The following MBNL2 variants were observed in gnomAD, a reference collection of about 807,000 sequenced individuals.
MBNL2 encodes muscleblind like splicing regulator 2.
A neutral mutation model predicts 41.9 loss-of-function variants in MBNL2; 17 were observed. The ratio of observed to expected loss-of-function variants is 0.41; its 90% CI spans 0.28 to 0.61. The LOEUF is 0.61. Among genes scored for constraint, MBNL2 ranks in the 20% least tolerant of loss-of-function variants. MBNL2 has a pLI of 0.35. For missense variants in MBNL2, 336 were observed against 505.6 expected (o/e 0.66, Z 3.22); for synonymous variants, 195 against 182.9 (o/e 1.07, Z -0.53).
At chr13:97,249,548 G>T (rs983138195) in intron 1 of MBNL2, among the ~76,000 whole-genome samples, 3 of 152,162 alleles carry the variant, frequency 2.0e-5, no homozygotes, top group Non-Finnish European at 4.4e-5. Context: ...ATGAAATGAA[G>T]ATATCATTAT....
upstream of MBNL2, among the ~76,000 whole-genome samples, chr13:97,216,450 T>C (rs2040386769): frequency 6.6e-6 from 1 of 152,176 alleles, no homozygotes; most frequent in Admixed American, 6.5e-5. Context: ...AGAGGCGGGA[T>C]AGGCTTGAAA....
rs1406870007 is a variant in MBNL2, at chr13:97,346,391, G to A, written c.541-413G>A. On this transcript the variant is annotated intron_variant, in intron 4 of 8. Transcript: ENST00000679496. This position sits in a 1 kb window ranked among gnomAD's most constrained non-coding sequence, Gnocchi z 4.2. ...AGGTGGATAGATGATTGGATAGATT[G>A]ATTGATGGTAGATGATAGATGAAGG... Among the ~76,000 whole-genome samples the A allele has an allele frequency of 6.7e-6, 1 of 149,556 alleles. No homozygotes were observed. The highest frequency in any genetic ancestry group is 1.5e-5 in the Non-Finnish European group (1 of 67,982).
chr13:97,301,039 T>C (rs949955917), intron 2 of MBNL2, among the ~76,000 whole-genome samples: 1 of 152,254 alleles, frequency 6.6e-6, no homozygotes, highest in African/African-American at 2.4e-5. Flanking sequence ...GGGCAGTTGA[T>C]GTGCCTGAGT....
At chr13:97,361,919 G>T (rs374348625) in intron 7 of MBNL2, among the ~76,000 whole-genome samples, 5 of 151,816 alleles carry the variant, frequency 3.3e-5, no homozygotes, top group African/African-American at 1.2e-4. Flanking sequence ...ACAAGCGTCT[G>T]CCATCACACC....
chr13:97,374,105 C>T (rs890773418), intron 8 of MBNL2, among the ~76,000 whole-genome samples: 35 of 112,250 alleles, frequency 3.1e-4, no homozygotes, highest in Non-Finnish European at 4.5e-4. Context: ...GATGGAGCCT[C>T]GCCCTGTCAC....
intron 8 of MBNL2, among the ~76,000 whole-genome samples, chr13:97,374,035 T>TA (rs1395130018): frequency 1.4e-5 from 2 of 139,142 alleles, no homozygotes; most frequent in Non-Finnish European, 3.1e-5. Flanking sequence ...GTCCTTTGCA[T>TA]AACACCTCAA....
chr13:97,165,956 T>C, the MBNL2 span, among the ~76,000 whole-genome samples: 1 of 152,226 alleles, frequency 6.6e-6, no homozygotes, highest in Non-Finnish European at 1.5e-5. Flanking sequence ...TTCTCCATCA[T>C]TGAAATTCTG....
chr13:97,244,062 A>C (rs758419279), intron 1 of MBNL2, among the ~76,000 whole-genome samples: 26 of 152,218 alleles, frequency 1.7e-4, no homozygotes, highest in Non-Finnish European at 3.4e-4. Flanking sequence ...AAAAATGACC[A>C]AATAAAAAAC....
In MBNL2 at chr13:97,224,644, A is replaced by G. The variant is rs1368727962; in HGVS notation, c.-605+2113A>G. The stretch of plus-strand genomic sequence containing the variant: ...ACCTTTTACCAAAAAAAAAAAAAAA[A>G]AAAAAAAAGTTGTTTGTCTCTTGGC... On this transcript the variant is annotated intron_variant, in intron 1 of 8. Coordinates refer to ENST00000679496, the MANE Select transcript of MBNL2 (RefSeq NM_001382683.1). Among the ~76,000 whole-genome samples the G allele has an allele frequency of 3.3e-5, 5 of 152,004 alleles. No homozygotes were observed. In the East Asian group the frequency reaches 5.8e-4, roughly 18 times the overall value.
chr13:97,192,321 G>A, the MBNL2 span, among the ~76,000 whole-genome samples: 4 of 152,298 alleles, frequency 2.6e-5, no homozygotes, highest in African/African-American at 9.6e-5. Flanking sequence ...TATTAGAATA[G>A]ATATGACCCT....
chr13:97,341,772 A>AT (rs2061460306), intron 3 of MBNL2, among the ~76,000 whole-genome samples: 1 of 152,312 alleles, frequency 6.6e-6, no homozygotes, highest in South Asian at 2.1e-4. Context: ...CATAAGAGAT[A>AT]TTTTTCTGTT....
At chr13:97,361,343 T>C (rs1226095967) in intron 7 of MBNL2, among the ~76,000 whole-genome samples, 1 of 152,164 alleles carries the variant, frequency 6.6e-6, no homozygotes, top group African/African-American at 2.4e-5. Context: ...AAGAGTGTAC[T>C]TGAAGAATAG....
intron 1 of MBNL2, among the ~76,000 whole-genome samples, chr13:97,270,827 T>A (rs1450335584): frequency 6.6e-6 from 1 of 152,222 alleles, no homozygotes; most frequent in African/African-American, 2.4e-5. Context: ...TCCATTGCTC[T>A]TATCTTTGGT....
intron 8 of MBNL2, among the ~76,000 whole-genome samples, chr13:97,374,957 C>T (rs1594286172): frequency 6.6e-6 from 1 of 152,272 alleles, no homozygotes; most frequent in East Asian, 1.9e-4. Context: ...GTTTTCTTCT[C>T]TATAAGAGTT....
At chr13:97,303,285 T>C (rs771481774) in intron 2 of MBNL2, among the ~76,000 whole-genome samples, 10 of 152,036 alleles carry the variant, frequency 6.6e-5, no homozygotes, top group Non-Finnish European at 1.3e-4. Flanking sequence ...ATGGCAGAAG[T>C]CACAAGGCAA....
intron 2 of MBNL2, among the ~76,000 whole-genome samples, chr13:97,307,711 G>A (rs1264712275): frequency 6.6e-6 from 1 of 152,142 alleles, no homozygotes; most frequent in Non-Finnish European, 1.5e-5. Flanking sequence ...TAGACAAAAG[G>A]ATATTCATGA....
At chr13:97,318,353 T>C (rs2059226451) in intron 2 of MBNL2, among the ~76,000 whole-genome samples, 1 of 152,216 alleles carries the variant, frequency 6.6e-6, no homozygotes, top group Admixed American at 6.5e-5. Flanking sequence ...CCTGGTTCTG[T>C]ATCTTGCTAC....
At position 97,392,359 on chromosome 13, in the gene MBNL2, G is replaced by A. The variant is rs2066406194; in HGVS notation, c.*910G>A. ...GAGTTTAGTCACTGCAAATTTGACT[G>A]TGACTTTAATCTAAATTACTATGTA... is the stretch of plus-strand genomic sequence containing the variant. On this transcript the variant is annotated 3_prime_UTR_variant, in exon 9 of 9. Transcript: ENST00000679496. The A allele has an allele frequency of 6.6e-6, 1 of 152,548 alleles. No individual in the cohort carries two copies. The highest frequency in any genetic ancestry group is 2.4e-5 in the African/African-American group (1 of 41,442). The allele number at this position is 152,548 out of a possible 1,614,324, so 9.4% of individuals were successfully genotyped here.
chr13:97,347,375 A>G (rs1006153462), intron 5 of MBNL2, among the ~76,000 whole-genome samples: 1 of 152,166 alleles, frequency 6.6e-6, no homozygotes, highest in Non-Finnish European at 1.5e-5. Flanking sequence ...AGAGAGGCTC[A>G]GGGGCCTTGT....
Sources: gnomAD v4.1 joint callset for allele counts (sites outside exome capture counted in the v4.1 genomes callset) on GRCh38, gnomAD v4.1.1 for gene constraint, Gnocchi (gnomAD v3.1) non-coding constraint, MANE v1.5 for transcripts, NCBI Gene and HGNC (gene_info 2026-07-23, HGNC 2026-07-21) for gene names.